The following ERG variants were observed in gnomAD, a reference collection of about 807,000 sequenced individuals.
ERG encodes ETS transcription factor ERG.
A neutral mutation model predicts 55.3 loss-of-function variants in ERG; 9 were observed. The observed-to-expected ratio is 0.16, with a 90% CI of 0.10 to 0.28. ERG has a LOEUF of 0.28. Ranked by LOEUF, ERG falls within the 10% of genes least tolerant of loss-of-function variation. The pLI is 1.00. For synonymous variants in ERG, 223 were observed against 237.3 expected, an observed-to-expected ratio of 0.94 and a Z score of 0.55; for missense variants, 434 against 631.6, an observed-to-expected ratio of 0.69 and a Z score of 3.35.
At chr21:38,590,203 G>C (rs1403032643) in intron 1 of ERG, among the ~76,000 whole-genome samples, 1 of 152,178 alleles carries the variant, frequency 6.6e-6, no homozygotes, top group East Asian at 1.9e-4. Flanking sequence ...GCTATGATGA[G>C]AGGTTATACT....
intron 1 of ERG, among the ~76,000 whole-genome samples, chr21:38,464,973 A>C (rs139193524): frequency 2.4e-4 from 37 of 152,218 alleles, no homozygotes; most frequent in African/African-American, 7.9e-4. Flanking sequence ...GTTGATGAGC[A>C]TTTGAGTTGG....
intron 1 of ERG, among the ~76,000 whole-genome samples, chr21:38,468,132 G>A (rs2059106515): frequency 6.6e-6 from 1 of 152,172 alleles, no homozygotes; most frequent in East Asian, 1.9e-4. Flanking sequence ...CTGTGGTGGA[G>A]AGCCAGAGAA....
intron 2 of ERG, among the ~76,000 whole-genome samples, chr21:38,529,183 G>T (rs1263430499): frequency 2.0e-5 from 3 of 152,120 alleles, no homozygotes. Flanking sequence ...AGTATGAGGT[G>T]GTGTTTAGCA....
At chr21:38,642,591 A>G (rs917859645) in intron 1 of ERG, among the ~76,000 whole-genome samples, 25 of 152,184 alleles carry the variant, frequency 1.6e-4, no homozygotes, top group Non-Finnish European at 3.2e-4. Flanking sequence ...CTTTGTATTA[A>G]TAGGTAACAA....
At chr21:38,629,192 C>A (rs367596151) in intron 1 of ERG, among the ~76,000 whole-genome samples, 13 of 152,312 alleles carry the variant, frequency 8.5e-5, no homozygotes, top group Middle Eastern at 3.4e-3. Flanking sequence ...GGCCAGGAGA[C>A]ATAAGCTCCT....
chr21:38,407,175 G>T (rs549262383), intron 3 of ERG, among the ~76,000 whole-genome samples: 1 of 152,224 alleles, frequency 6.6e-6, no homozygotes, highest in African/African-American at 2.4e-5. Context: ...GAGGATGTGC[G>T]CAATGATTTA....
intron 1 of ERG, among the ~76,000 whole-genome samples, chr21:38,636,774 G>T (rs1365373401): frequency 6.6e-6 from 1 of 152,170 alleles, no homozygotes; most frequent in African/African-American, 2.4e-5. Context: ...ACAGGAAAAA[G>T]AACTCTCTCA....
intron 2 of ERG, among the ~76,000 whole-genome samples, chr21:38,538,148 G>A (rs905419699): frequency 1.3e-5 from 2 of 152,146 alleles, no homozygotes; most frequent in African/African-American, 4.8e-5. Flanking sequence ...AAAGTAAAAT[G>A]ATGGTTTCCA....
At chr21:38,614,646 T>G (rs2060248327) in intron 1 of ERG, among the ~76,000 whole-genome samples, 1 of 152,148 alleles carries the variant, frequency 6.6e-6, no homozygotes. Context: ...GGGACTGGGT[T>G]GGGGACGAAC....
At position 38,383,002 on chromosome 21, in the gene ERG, A is replaced by G. The variant is rs1386484312; in HGVS notation, c.*401T>C. ...TCCTTAAAATGGCATTATAAACGGT[A>G]TGTTAGGTCAAAACTGTGTTGTTTC... is the stretch of plus-strand genomic sequence containing the variant. On this transcript the variant is annotated 3_prime_UTR_variant, in exon 10 of 10. Coordinates refer to ENST00000288319, the MANE Select transcript of ERG (RefSeq NM_182918.4). This position sits in a 1 kb window ranked among gnomAD's most constrained non-coding sequence, Gnocchi z 5.7. 1.8e-5 allele frequency: 19 copies of G among 1,073,656 alleles called. No homozygotes were observed. The highest frequency in any genetic ancestry group is 2.1e-5 in the Non-Finnish European group (19 of 885,388). 66.5% of individuals were successfully genotyped at this position (1,073,656 alleles called of 1,614,324 possible). A position where few individuals can be genotyped will look rare whatever the true frequency, so the allele number is the denominator to read the frequency against.
Position 38,383,450 on chromosome 21 carries a change from T to C in ERG, c.1393A>G (p.Arg465Gly), listed in dbSNP as rs756762411. The change falls in exon 10 of 10, where the codon AGG becomes GGG. Residue 465 changes from arginine to glycine, a missense_variant. Transcript: ENST00000288319. The surrounding 1 kb of genome is among the most constrained non-coding windows in gnomAD (Gnocchi z 5.7). Reference protein sequence around the residue: ...SPTGGIYPNTRLPTSHMPSHL... With the variant: ...SPTGGIYPNTGLPTSHMPSHL... The stretch of plus-strand genomic sequence containing the variant: ...GAAGGCATATGGCTGGTGGGGAGCC[T>C]AGTGTTGGGGTATATACCCCCAGTT... 6.6e-7 allele frequency: 1 copy of C among 1,516,640 alleles called. No homozygotes were observed. The highest frequency in any genetic ancestry group is 2.2e-5 in the Admixed American group (1 of 44,916). The allele number at this position is 1,516,640 out of a possible 1,614,324, so 93.9% of individuals were successfully genotyped here. A position where few individuals can be genotyped will look rare whatever the true frequency, so the allele number is the denominator to read the frequency against.
In ERG at chr21:38,382,677, T is replaced by G; in HGVS notation, c.*726A>C. 5.6e-6 allele frequency: 6 copies of G among 1,067,268 alleles called. No homozygotes were observed. The highest frequency in any genetic ancestry group is 3.4e-6 in the Non-Finnish European group (3 of 880,232). The allele number at this position is 1,067,268 out of a possible 1,614,324, so 66.1% of individuals were successfully genotyped here. ...TTTCCCAGCCCTGGTCTCCTCCTTC[T>G]CTGCCTCTTCCTCCTCCTTCTTCAC... On this transcript the variant is annotated 3_prime_UTR_variant, in exon 10 of 10. Coordinates refer to ENST00000288319, the MANE Select transcript of ERG (RefSeq NM_182918.4).
chr21:38,458,775 C>T (rs1469727279), intron 1 of ERG, among the ~76,000 whole-genome samples: 1 of 152,148 alleles, frequency 6.6e-6, no homozygotes, highest in African/African-American at 2.4e-5. Flanking sequence ...TACTTACTTA[C>T]TTAAATATTT....
intron 1 of ERG, chr21:38,451,319 A>G: frequency 4.7e-6 from 2 of 428,144 alleles, no homozygotes; most frequent in Non-Finnish European, 9.2e-6. Flanking sequence ...CCCTGCATAC[A>G]GTTAATCATT....
chr21:38,414,636 C>T (rs1354630862), intron 3 of ERG, among the ~76,000 whole-genome samples: 3 of 152,094 alleles, frequency 2.0e-5, no homozygotes, highest in Non-Finnish European at 4.4e-5. Flanking sequence ...ACCTGAGAAA[C>T]AGCAAGATTA....
intron 2 of ERG, among the ~76,000 whole-genome samples, chr21:38,528,744 G>A (rs1331095986): frequency 2.5e-5 from 1 of 39,844 alleles, no homozygotes; most frequent in African/African-American, 6.3e-5. Context: ...CACCGCGCCC[G>A]GCCCATAGCA....
chr21:38,376,615 A>T (rs1429395833), downstream of ERG, among the ~76,000 whole-genome samples: 1 of 152,274 alleles, frequency 6.6e-6, no homozygotes, highest in Admixed American at 6.5e-5. Context: ...AGAAAGGAAC[A>T]GCCATTTATT....
At chr21:38,644,584 C>T (rs2836585) in intron 1 of ERG, among the ~76,000 whole-genome samples, 9,265 of 152,186 alleles carry the variant, frequency 0.061, 906 homozygotes, top group African/African-American at 0.21. Context: ...TGACAGGGGT[C>T]TTCCCTGGAT....
chr21:38,395,028 T>G (rs1988142422), intron 6 of ERG, among the ~76,000 whole-genome samples: 1 of 152,186 alleles, frequency 6.6e-6, no homozygotes, highest in African/African-American at 2.4e-5. Context: ...TATCCCATCC[T>G]CCCTCGAAAA....
Sources: allele counts gnomAD v4.1 joint callset (sites outside exome capture counted in the v4.1 genomes callset), GRCh38; gene constraint gnomAD v4.1.1; non-coding constraint Gnocchi (gnomAD v3.1); transcripts MANE v1.5; gene names NCBI Gene and HGNC (gene_info 2026-07-23, HGNC 2026-07-21).